DNAH14: variants seen among roughly 807,000 people sequenced by gnomAD.
DNAH14 encodes the protein dynein axonemal heavy chain 14.
DNAH14 carries 478 observed loss-of-function variants against 520.9 expected under a neutral mutation model. The observed-to-expected ratio is 0.92, with a 90% CI of 0.85 to 0.99. The LOEUF (loss-of-function observed/expected upper bound fraction) is 0.99. Among genes scored for constraint, DNAH14 ranks in the 50% least tolerant of loss-of-function variants. DNAH14 has a pLI of 0.00. For synonymous variants in DNAH14, 1,581 were observed against 1,757.2 expected, an observed-to-expected ratio of 0.90 and a Z score of 2.51; for missense variants, 4,831 against 5,234.5, an observed-to-expected ratio of 0.92 and a Z score of 2.38.
chr1:225,307,779 T>C (rs1387091199), intron 59 of DNAH14, among the ~76,000 whole-genome samples: 4 of 152,156 alleles, frequency 2.6e-5, no homozygotes, highest in African/African-American at 7.2e-5. Context: ...AGCAAAACAG[T>C]AACATTATTA....
At chr1:225,100,318 C>T (rs1004577158) in intron 22 of DNAH14, among the ~76,000 whole-genome samples, 1 of 152,128 alleles carries the variant, frequency 6.6e-6, no homozygotes, top group African/African-American at 2.4e-5. Flanking sequence ...AGCTCTACTC[C>T]TTTAAAACAC....
At chr1:225,310,960 C>T (rs1400939849) in intron 60 of DNAH14, among the ~76,000 whole-genome samples, 1 of 152,168 alleles carries the variant, frequency 6.6e-6, no homozygotes, top group East Asian at 1.9e-4. Flanking sequence ...TTGGTATATA[C>T]TCAGTAATGG....
At chr1:225,245,056 C>T (rs776742662) in intron 43 of DNAH14, among the ~76,000 whole-genome samples, 1 of 152,134 alleles carries the variant, frequency 6.6e-6, no homozygotes, top group African/African-American at 2.4e-5. Context: ...TGCCTTTGTT[C>T]TCATTGGTTT....
intron 36 of DNAH14, among the ~76,000 whole-genome samples, chr1:225,171,761 C>T (rs1275922442): frequency 1.3e-5 from 2 of 152,214 alleles, no homozygotes; most frequent in Non-Finnish European, 2.9e-5. Context: ...TCCTCCCTAA[C>T]TCATTTTATG....
intron 1 of DNAH14, among the ~76,000 whole-genome samples, chr1:224,943,050 A>T (rs1260601089): frequency 2.6e-5 from 4 of 152,104 alleles, no homozygotes; most frequent in Admixed American, 6.6e-5. Flanking sequence ...CCTCTTTTTC[A>T]ATTGACTGAA....
chr1:225,154,301 A>G (rs2080818340), intron 34 of DNAH14, among the ~76,000 whole-genome samples: 1 of 152,132 alleles, frequency 6.6e-6, no homozygotes, highest in Non-Finnish European at 1.5e-5. Context: ...TAATTTACGA[A>G]TGGAAATGCA....
chr1:225,224,181 G>A (rs2090319655), intron 41 of DNAH14, among the ~76,000 whole-genome samples: 1 of 151,864 alleles, frequency 6.6e-6, no homozygotes, highest in Admixed American at 6.6e-5. Context: ...TACGAATCCT[G>A]TTTCCTATCC....
intron 34 of DNAH14, among the ~76,000 whole-genome samples, chr1:225,158,085 T>G (rs758489872): frequency 2.0e-5 from 3 of 152,202 alleles, no homozygotes; most frequent in Non-Finnish European, 4.4e-5. Flanking sequence ...TTTGGACACC[T>G]TTGCAGGAAA....
chr1:225,273,010 C>T lies in DNAH14; in HGVS notation c.7895C>T (p.Ala2632Val). The T allele has an allele frequency of 1.9e-6, 3 of 1,551,502 alleles. No individual in the cohort carries two copies. Among genetic ancestry groups the T allele is most frequent in the Non-Finnish European group, 2.6e-6 (3 of 1,146,910 alleles). ...DRTVVNSKEM[A>V]ALLFVHEATR... ...ACTGTTGTTAACTCCAAAGAGATGG[C>T]TGCTCTGCTCTTTGTTCATGAAGCC... Residue 2632 changes from alanine to valine, a missense_variant, in exon 52 of 86, where the codon GCT becomes GTT. Coordinates refer to ENST00000682510, the MANE Select transcript of DNAH14 (RefSeq NM_001367479.1).
chr1:225,180,067 T>C (rs1399455491), intron 36 of DNAH14, among the ~76,000 whole-genome samples: 1 of 152,212 alleles, frequency 6.6e-6, no homozygotes, highest in Non-Finnish European at 1.5e-5. Flanking sequence ...TTTCAGAGTT[T>C]ATTATATGCC....
chr1:225,378,569 A>G (rs1488026901), intron 79 of DNAH14, among the ~76,000 whole-genome samples: 1 of 152,138 alleles, frequency 6.6e-6, no homozygotes, highest in Non-Finnish European at 1.5e-5. Flanking sequence ...TTGACTGTGA[A>G]ACCTGGAGTG....
At chr1:225,019,582 C>T (rs933746147) in intron 10 of DNAH14, among the ~76,000 whole-genome samples, 3 of 152,122 alleles carry the variant, frequency 2.0e-5, no homozygotes. Flanking sequence ...TAACAGACAC[C>T]TACAGAACAC....
chr1:225,002,711 A>G (rs951841827), intron 8 of DNAH14, 72 bp from the exon 9 acceptor site: 14 of 1,389,218 alleles, frequency 1.0e-5, no homozygotes, highest in Admixed American at 9.1e-5. Flanking sequence ...ACTAAACCAC[A>G]CTACTTACCT....
chr1:225,013,298 C>G (rs1240185727), intron 10 of DNAH14, among the ~76,000 whole-genome samples: 1 of 152,110 alleles, frequency 6.6e-6, no homozygotes, highest in East Asian at 1.9e-4. Context: ...CCAATGGAGG[C>G]TGCAGAACAG....
intron 3 of DNAH14, 80 bp from the exon 4 acceptor site, chr1:224,960,073 T>C: frequency 7.5e-7 from 1 of 1,339,140 alleles, no homozygotes; most frequent in East Asian, 2.5e-5. Flanking sequence ...TCATTAACTG[T>C]ATTGCTGGGT....
intron 8 of DNAH14, among the ~76,000 whole-genome samples, chr1:224,997,713 T>A (rs1010236903): frequency 6.6e-6 from 1 of 152,122 alleles, no homozygotes; most frequent in Non-Finnish European, 1.5e-5. Flanking sequence ...GTTTTTAAAT[T>A]ATGAATTCAA....
intron 55 of DNAH14, among the ~76,000 whole-genome samples, chr1:225,292,897 C>T (rs1246274492): frequency 6.6e-6 from 1 of 151,812 alleles, no homozygotes; most frequent in African/African-American, 2.4e-5. Context: ...ATTTTTTTCA[C>T]CTAGTTTGCT....
intron 1 of DNAH14, among the ~76,000 whole-genome samples, chr1:224,930,741 G>A (rs1352813497): frequency 6.6e-6 from 1 of 152,158 alleles, no homozygotes; most frequent in Non-Finnish European, 1.5e-5. Context: ...GGGACTACAG[G>A]CGTCCTCCAC....
At chr1:225,181,739 A>G (rs1417947301) in intron 36 of DNAH14, among the ~76,000 whole-genome samples, 1 of 151,934 alleles carries the variant, frequency 6.6e-6, no homozygotes, top group Non-Finnish European at 1.5e-5. Flanking sequence ...TTGATACTGG[A>G]CCTTTGTCAG....
Sources: allele counts gnomAD v4.1 joint callset (sites outside exome capture counted in the v4.1 genomes callset), GRCh38; gene constraint gnomAD v4.1.1; transcripts MANE v1.5; gene names NCBI Gene and HGNC (gene_info 2026-07-23, HGNC 2026-07-21).